Variants in PTPRM observed in about 807,000 individuals in gnomAD.
PTPRM encodes the protein receptor-type tyrosine-protein phosphatase mu.
A neutral mutation model predicts 186.7 loss-of-function variants in PTPRM; 47 were observed. The ratio of observed to expected loss-of-function variants is 0.25; its 90% CI spans 0.20 to 0.32. The LOEUF (loss-of-function observed/expected upper bound fraction) is 0.32. Among genes scored for constraint, PTPRM ranks in the 10% least tolerant of loss-of-function variants. The pLI is 1.00. For missense variants in PTPRM, 1,494 were observed against 1,865.0 expected (o/e 0.80, Z 3.66); for synonymous variants, 668 against 674.9 (o/e 0.99, Z 0.16).
intron 14 of PTPRM, among the ~76,000 whole-genome samples, chr18:8,163,008 G>A (rs1212264437): frequency 1.3e-5 from 2 of 152,166 alleles, no homozygotes; most frequent in African/African-American, 2.4e-5. Context: ...CCCTCAGCCA[G>A]CTCTAGCGCC....
At chr18:8,055,504 GT>G in intron 7 of PTPRM, among the ~76,000 whole-genome samples, 1 of 152,158 alleles carries the variant, frequency 6.6e-6, no homozygotes, top group Admixed American at 6.5e-5. Context: ...TACGTTAGCT[GT>G]TTTTAAAATT....
In PTPRM at chr18:8,378,289, G is replaced by A; in HGVS notation, c.3487G>A (p.Ala1163Thr). ...TEEQYVFIHD[A>T]ILEACLCGDT... ...GGAGCAGTATGTGTTTATCCACGAT[G>A]CGATCCTGGAAGCCTGTCTTTGTGG... Residue 1163 changes from alanine to threonine, a missense_variant, in exon 27 of 33, where the codon GCG becomes ACG. Physicochemically the swap from Ala to Thr is moderately conservative, Grantham distance 58. Around this residue, in one of 3 missense-constraint regions of PTPRM, gnomAD observed 1,107 missense variants for 1,350.2 expected, o/e 0.82. Transcript: ENST00000580170. 1 of 1,612,444 alleles carries A rather than the reference G, an allele frequency of 6.2e-7. No individual in the cohort carries two copies. The highest frequency in any genetic ancestry group is 8.5e-7 in the Non-Finnish European group (1 of 1,178,472).
chr18:8,389,641 T>C (rs879699997), intron 31 of PTPRM, among the ~76,000 whole-genome samples: 1 of 152,254 alleles, frequency 6.6e-6, no homozygotes, highest in Non-Finnish European at 1.5e-5. Context: ...AAGGTGGGCA[T>C]GAGACCTAGG....
At chr18:7,603,903 C>T (rs2037467151) in intron 1 of PTPRM, among the ~76,000 whole-genome samples, 1 of 152,308 alleles carries the variant, frequency 6.6e-6, no homozygotes, top group Non-Finnish European at 1.5e-5. Context: ...GACACACTGG[C>T]TTTAGTTTAT....
At chr18:7,927,844 G>T (rs980996863) in intron 5 of PTPRM, among the ~76,000 whole-genome samples, 22 of 152,146 alleles carry the variant, frequency 1.4e-4, no homozygotes, top group African/African-American at 5.1e-4. Context: ...GGGATCAAGT[G>T]ATCCTCCTGC....
chr18:8,339,555 T>C (rs2095461852), intron 22 of PTPRM, among the ~76,000 whole-genome samples: 1 of 152,062 alleles, frequency 6.6e-6, no homozygotes, highest in Non-Finnish European at 1.5e-5. Context: ...CTTGGGAGTT[T>C]GTTTGTTTGT....
At chr18:8,268,342 G>T (rs2094727656) in intron 19 of PTPRM, among the ~76,000 whole-genome samples, 1 of 152,054 alleles carries the variant, frequency 6.6e-6, no homozygotes, top group Admixed American at 6.5e-5. Flanking sequence ...GGATAACCTA[G>T]AAGAACTGGG....
chr18:8,137,363 C>T (rs1411427695), intron 13 of PTPRM, among the ~76,000 whole-genome samples: 1 of 152,138 alleles, frequency 6.6e-6, no homozygotes, highest in Non-Finnish European at 1.5e-5. Context: ...CATGTAGTCC[C>T]AGAGCCATTG....
At chr18:8,134,495 C>T (rs2092591308) in intron 13 of PTPRM, among the ~76,000 whole-genome samples, 2 of 152,036 alleles carry the variant, frequency 1.3e-5, no homozygotes. Flanking sequence ...TCTTTTTTAC[C>T]TCGTTGATCA....
intron 14 of PTPRM, among the ~76,000 whole-genome samples, chr18:8,159,545 A>C (rs1230708732): frequency 1.3e-5 from 2 of 152,178 alleles, no homozygotes; most frequent in Non-Finnish European, 2.9e-5. Context: ...GGTGTTTATT[A>C]TGTTTCTGTG....
At chr18:7,588,198 C>A (rs1049608287) in intron 1 of PTPRM, among the ~76,000 whole-genome samples, 1 of 152,028 alleles carries the variant, frequency 6.6e-6, no homozygotes, top group African/African-American at 2.4e-5. Context: ...TACTGAACTC[C>A]GGCATTTGAC....
intron 2 of PTPRM, among the ~76,000 whole-genome samples, chr18:7,836,450 A>G (rs902744590): frequency 6.6e-6 from 1 of 152,120 alleles, no homozygotes; most frequent in African/African-American, 2.4e-5. Context: ...AAGTTGTTAT[A>G]GTTTTTTTAT....
intron 22 of PTPRM, among the ~76,000 whole-genome samples, chr18:8,341,682 GCC>G (rs56361813): frequency 2.7e-5 from 4 of 149,538 alleles, no homozygotes; most frequent in African/African-American, 9.8e-5. Context: ...ACCTAGTGAA[GCC>G]CCCCCCCCTT....
intron 1 of PTPRM, among the ~76,000 whole-genome samples, chr18:7,722,537 G>A (rs2040467451): frequency 6.6e-6 from 1 of 151,778 alleles, no homozygotes; most frequent in African/African-American, 2.4e-5. Context: ...ATAAAATGTG[G>A]GTAAATTCAC....
chr18:8,058,181 G>C (rs1461122562), intron 7 of PTPRM, among the ~76,000 whole-genome samples: 2 of 117,760 alleles, frequency 1.7e-5, no homozygotes, highest in African/African-American at 7.2e-5. Flanking sequence ...TAGTGGTTTT[G>C]ATTTGCATTT....
chr18:7,629,832 T>A (rs578076924), intron 1 of PTPRM, among the ~76,000 whole-genome samples: 5 of 152,086 alleles, frequency 3.3e-5, no homozygotes, highest in Admixed American at 2.0e-4. Context: ...TCTCTCAGAC[T>A]GTGAAGAGAA....
intron 1 of PTPRM, among the ~76,000 whole-genome samples, chr18:7,716,190 C>A (rs1157951011): frequency 6.6e-6 from 1 of 152,090 alleles, no homozygotes; most frequent in Non-Finnish European, 1.5e-5. Context: ...AGAACAGAGG[C>A]CTCAGAAATC....
chr18:7,726,656 T>TTCC (rs2040555513), intron 1 of PTPRM, among the ~76,000 whole-genome samples: 1 of 152,104 alleles, frequency 6.6e-6, no homozygotes, highest in Admixed American at 6.5e-5. Context: ...CTCTCAAGAG[T>TTCC]GAGAATGACC....
Position 8,376,158 on chromosome 18 carries a change from C to A in PTPRM, c.3284C>A (p.Ser1095Tyr). ...CTGGGATTCGTGCGGCAAGTCAAGT[C>A]CAAGAGCCCGCCCAGTGCAGGCCCA... ...GLLGFVRQVK[S>Y]KSPPSAGPLV... Residue 1095 changes from serine (S) to tyrosine (Y), a missense_variant, in exon 25 of 33, where the codon TCC becomes TAC. Ser to Tyr is a moderately radical substitution (Grantham distance 144). Transcript: ENST00000580170. 6.2e-7 allele frequency: 1 copy of A among 1,613,790 alleles called. No homozygotes were observed. Among genetic ancestry groups the A allele is most frequent in the South Asian group, 1.1e-5 (1 of 91,074 alleles).
Sources: gnomAD v4.1 joint callset for allele counts (sites outside exome capture counted in the v4.1 genomes callset) on GRCh38, gnomAD v4.1.1 for gene constraint, gnomAD v4.1.1 regional missense constraint, MANE v1.5 for transcripts, NCBI Gene and HGNC (gene_info 2026-07-23, HGNC 2026-07-21) for gene names.